The following ARGFX variants were observed in gnomAD, a reference collection of about 807,000 sequenced individuals.
ARGFX encodes arginine-fifty homeobox.
In ARGFX, 10 loss-of-function variants were observed where a neutral mutation model predicts 8.0. The observed-to-expected ratio is 1.25, with a 90% CI of 0.77 to 2.12. The LOEUF (loss-of-function observed/expected upper bound fraction) is 2.12, where lower values mean the gene tolerates loss of function less well. Ranked by LOEUF, ARGFX falls within the 30% of genes most tolerant of loss-of-function variation. ARGFX has a pLI of 0.00. For missense variants in ARGFX, 282 were observed against 324.3 expected, an observed-to-expected ratio of 0.87 and a Z score of 1.00; for synonymous variants, 116 against 117.8, an observed-to-expected ratio of 0.98 and a Z score of 0.10.
At chr3:121,585,539 T>A (rs762098552) in intron 4 of ARGFX, among the ~76,000 whole-genome samples, 5 of 152,078 alleles carry the variant, frequency 3.3e-5, no homozygotes, top group Non-Finnish European at 7.4e-5. Flanking sequence ...GGGGTCTCAC[T>A]ATGTTGCCCA....
At position 121,586,393 on chromosome 3, in the gene ARGFX, C is replaced by G. The variant is rs2048813172; in HGVS notation, c.741C>G (p.Phe247Leu). The change falls in exon 5 of 5, where the codon TTC (phenylalanine) becomes TTG (leucine). Residue 247 changes from phenylalanine (F) to leucine (L), a missense_variant. Transcript: ENST00000334384. Reference protein sequence around the residue: ...PDENEISSSSFHCLYQYLSPT... With the variant: ...PDENEISSSSLHCLYQYLSPT... ...AGAATGAGATATCCAGCTCTTCTTT[C>G]CACTGTCTGTATCAGTATCTCTCAC... 2.5e-6 allele frequency: 4 copies of G among 1,614,076 alleles called. No homozygotes were observed. The African/African-American group carries it at 5.3e-5, about 22-fold the overall frequency.
In ARGFX at chr3:121,585,049, C is replaced by A; in HGVS notation, c.353C>A (p.Pro118Gln). 6.2e-7 allele frequency: 1 copy of A among 1,613,870 alleles called. No individual in the cohort carries two copies. The highest frequency in any genetic ancestry group is 8.5e-7 in the Non-Finnish European group (1 of 1,179,954). Reference sequence around the variant, plus strand: ...AAACTAGCTTTGAGACTCGACCTACCGGAGTCAACAGTAAAGGTCTGATCC... The same window carrying A: ...AAACTAGCTTTGAGACTCGACCTACAGGAGTCAACAGTAAAGGTCTGATCC... The part of the protein sequence containing the change: ...QEKLALRLDL[P>Q]ESTVKVWFRN... The change falls in exon 4 of 5, where the codon CCG (proline) becomes CAG (glutamine). Residue 118 changes from proline to glutamine, a missense_variant. Coordinates refer to ENST00000334384, the MANE Select transcript of ARGFX (RefSeq NM_001012659.2).
At chr3:121,584,095 C>T (rs148042441) in intron 3 of ARGFX, among the ~76,000 whole-genome samples, 36 of 152,040 alleles carry the variant, frequency 2.4e-4, no homozygotes, top group African/African-American at 8.2e-4. Flanking sequence ...CAGAGGATTG[C>T]AGGAGCACAA....
At chr3:121,580,268 G>A (rs182206013) in intron 3 of ARGFX, among the ~76,000 whole-genome samples, 5 of 151,634 alleles carry the variant, frequency 3.3e-5, no homozygotes, top group Non-Finnish European at 5.9e-5. Flanking sequence ...TCAGCCTACC[G>A]AGTAGCTGGG....
At chr3:121,578,256 T>G (rs926138558) in intron 3 of ARGFX, among the ~76,000 whole-genome samples, 2 of 151,764 alleles carry the variant, frequency 1.3e-5, no homozygotes, top group African/African-American at 4.8e-5. Context: ...GCCTCCAGAG[T>G]AGCTGGGATT....
chr3:121,579,838 C>T (rs2048766218), intron 3 of ARGFX, among the ~76,000 whole-genome samples: 1 of 152,074 alleles, frequency 6.6e-6, no homozygotes, highest in African/African-American at 2.4e-5. Context: ...ATCTGCCCGC[C>T]TTGGCATCCC....
chr3:121,580,906 T>A (rs973260151), intron 3 of ARGFX, among the ~76,000 whole-genome samples: 2 of 152,120 alleles, frequency 1.3e-5, no homozygotes, highest in East Asian at 3.8e-4. Flanking sequence ...TACTGTATCA[T>A]CTATATGTTT....
intron 3 of ARGFX, among the ~76,000 whole-genome samples, chr3:121,580,607 T>TATATATA (rs752440443): frequency 1.0e-5 from 1 of 96,330 alleles, no homozygotes; most frequent in Non-Finnish European, 2.1e-5. Context: ...TATATATATA[T>TATATATA]TTTTTTTTTT....
chr3:121,568,457 T>C (rs1215183719), intron 1 of ARGFX, among the ~76,000 whole-genome samples: 1 of 152,242 alleles, frequency 6.6e-6, no homozygotes, highest in East Asian at 1.9e-4. Flanking sequence ...TGCCTTATGC[T>C]CTTGATAGCC....
intron 3 of ARGFX, among the ~76,000 whole-genome samples, chr3:121,577,820 T>G (rs2048752993): frequency 1.3e-5 from 2 of 152,168 alleles, no homozygotes; most frequent in South Asian, 4.1e-4. Flanking sequence ...GGTCTCATTC[T>G]GTTGCCCAGG....
Position 121,586,514 on chromosome 3 carries a change from A to ACAAGC in ARGFX, c.869_873dup (p.Phe292LysfsTer8), listed in dbSNP as rs1490463351. On this transcript the variant is annotated frameshift_variant, in exon 5 of 5. Coordinates refer to ENST00000334384, the MANE Select transcript of ARGFX (RefSeq NM_001012659.2). LOFTEE classifies it low-confidence loss of function (END_TRUNC). The stretch of plus-strand genomic sequence containing the variant: ...TCCTGCACAAACCTGGCCCAATATG[A>ACAAGC]CAAGCCAAGCCTTTGAAGCCTACAG... 6.2e-7 allele frequency: 1 copy of ACAAGC among 1,614,136 alleles called. No homozygotes were observed. Among genetic ancestry groups the ACAAGC allele is most frequent in the East Asian group, 2.2e-5 (1 of 44,876 alleles).
chr3:121,572,524 G>T (rs2048715338), intron 2 of ARGFX, among the ~76,000 whole-genome samples: 1 of 152,070 alleles, frequency 6.6e-6, no homozygotes, highest in South Asian at 2.1e-4. Flanking sequence ...GGGATTACAG[G>T]CATGAGCCAC....
intron 3 of ARGFX, among the ~76,000 whole-genome samples, chr3:121,581,777 C>T (rs2048781761): frequency 6.6e-6 from 1 of 151,960 alleles, no homozygotes; most frequent in South Asian, 2.1e-4. Context: ...GGTGTGTGCA[C>T]CTCTAGTCCC....
chr3:121,580,457 A>G (rs1283066137), intron 3 of ARGFX, among the ~76,000 whole-genome samples: 1 of 151,982 alleles, frequency 6.6e-6, no homozygotes, highest in Non-Finnish European at 1.5e-5. Context: ...AACCATTTCT[A>G]TCAGTTCCAT....
In ARGFX at chr3:121,587,029, A is replaced by G. The variant is rs773650702; in HGVS notation, c.*429A>G. Among the ~76,000 whole-genome samples, 1 of 151,652 alleles carries G rather than the reference A, an allele frequency of 6.6e-6. No individual in the cohort carries two copies. Among genetic ancestry groups the G allele is most frequent in the Non-Finnish European group, 1.5e-5 (1 of 67,936 alleles). On this transcript the variant is annotated 3_prime_UTR_variant, in exon 5 of 5. Coordinates refer to ENST00000334384, the MANE Select transcript of ARGFX (RefSeq NM_001012659.2). ...CTCAGCCTCCTGAGTAGCTAGGACT[A>G]CAGATGCTCGCCACCACACCTGGCT...
At position 121,587,345 on chromosome 3, in the gene ARGFX, C is replaced by A. The variant is rs1311424462; in HGVS notation, c.*745C>A. On this transcript the variant is annotated 3_prime_UTR_variant, in exon 5 of 5. Transcript: ENST00000334384. ...GGGATTACAGACATGAGCCACCGAG[C>A]CTGGCCAATTTTTGTGTTTTTTGTA... 6.6e-6 allele frequency among the ~76,000 whole-genome samples: 1 copy of A among 152,018 alleles called. No individual in the cohort carries two copies. Among genetic ancestry groups the A allele is most frequent in the African/African-American group, 2.4e-5 (1 of 41,376 alleles).
At position 121,588,651 on chromosome 3, in the gene ARGFX, G is replaced by T. The variant is rs1470699871; in HGVS notation, c.*2051G>T. On this transcript the variant is annotated 3_prime_UTR_variant, in exon 5 of 5. Coordinates refer to ENST00000334384, the MANE Select transcript of ARGFX (RefSeq NM_001012659.2). ...TGTTTTGAATAGGCCAGGCGCAGTGGCTCACACCTGTAATCCCAGCACGTT... is the reference window on the plus strand; with the variant it reads ...TGTTTTGAATAGGCCAGGCGCAGTGTCTCACACCTGTAATCCCAGCACGTT... Among the ~76,000 whole-genome samples, 5 of 151,786 alleles carry T rather than the reference G, an allele frequency of 3.3e-5. No individual in the cohort carries two copies. The highest frequency in any genetic ancestry group is 1.2e-4 in the African/African-American group (5 of 41,328).
Position 121,584,952 on chromosome 3 carries a change from AC to A in ARGFX, c.259del (p.His87ThrfsTer7), listed in dbSNP as rs779053938. 1 of 1,613,852 alleles carries A rather than the reference AC, an allele frequency of 6.2e-7. No homozygotes were observed. Among genetic ancestry groups the A allele is most frequent in the African/African-American group, 1.3e-5 (1 of 75,030 alleles). On this transcript the variant is annotated frameshift_variant, in exon 4 of 5. Transcript: ENST00000334384. LOFTEE classifies it high-confidence loss of function. The part of the protein sequence containing the change: ...RRRHKERTSF[T>X]HQQYEELEAL... ...AAGGCATAAAGAACGTACTTCTTTC[AC>A]CCACCAACAGTATGAGGAGCTAGAA... is the stretch of plus-strand genomic sequence containing the variant.
chr3:121,578,840 T>TTC (rs1373895867), intron 3 of ARGFX, among the ~76,000 whole-genome samples: 2 of 151,024 alleles, frequency 1.3e-5, no homozygotes, highest in Non-Finnish European at 3.0e-5. Context: ...CCAGCTATTT[T>TTC]TTTTTTTTTT....
Sources: allele counts gnomAD v4.1 joint callset (sites outside exome capture counted in the v4.1 genomes callset), GRCh38; gene constraint gnomAD v4.1.1; transcripts MANE v1.5; gene names NCBI Gene and HGNC (gene_info 2026-07-23, HGNC 2026-07-21).